ATG5: variants seen among roughly 807,000 people sequenced by gnomAD.
ATG5 encodes the protein autophagy related 5.
Under a neutral mutation model 36.5 loss-of-function variants are expected in ATG5, and 14 were observed. The ratio of observed to expected loss-of-function variants is 0.38; its 90% CI spans 0.25 to 0.60. ATG5 has a LOEUF of 0.60. Among genes scored for constraint, ATG5 ranks in the 20% least tolerant of loss-of-function variants. ATG5 has a pLI of 0.60. For missense variants in ATG5, 195 were observed against 326.7 expected (o/e 0.60, Z 3.11); for synonymous variants, 95 against 101.5 (o/e 0.94, Z 0.38).
chr6:106,205,043 G>T (rs541430690), intron 6 of ATG5, among the ~76,000 whole-genome samples: 2 of 152,154 alleles, frequency 1.3e-5, no homozygotes, highest in Non-Finnish European at 2.9e-5. Flanking sequence ...CAGGGTTTTT[G>T]ATCTTCAGGC....
intron 4 of ATG5, among the ~76,000 whole-genome samples, chr6:106,287,764 C>T (rs922899433): frequency 3.3e-5 from 5 of 151,990 alleles, no homozygotes; most frequent in African/African-American, 1.2e-4. Context: ...ATGCACTGTT[C>T]TCAACATGGA....
intron 1 of ATG5, among the ~76,000 whole-genome samples, chr6:106,318,399 G>A (rs1448540079): frequency 6.6e-6 from 1 of 152,074 alleles, no homozygotes; most frequent in Non-Finnish European, 1.5e-5. Flanking sequence ...ACAGTAAAAT[G>A]AATGACCAAT....
At chr6:106,269,706 GT>G (rs1779375397) in intron 5 of ATG5, among the ~76,000 whole-genome samples, 2 of 152,214 alleles carry the variant, frequency 1.3e-5, no homozygotes, top group South Asian at 4.1e-4. Flanking sequence ...CGAGTGCGGG[GT>G]CCGCCAAGCC....
At chr6:106,255,393 C>T (rs938922148) in intron 5 of ATG5, among the ~76,000 whole-genome samples, 5 of 152,186 alleles carry the variant, frequency 3.3e-5, no homozygotes, top group South Asian at 4.1e-4. Context: ...TCAGTAAAAA[C>T]TAGCTACCTC....
chr6:106,213,798 C>A (rs562438908), intron 6 of ATG5, among the ~76,000 whole-genome samples: 3 of 152,214 alleles, frequency 2.0e-5, no homozygotes, highest in Non-Finnish European at 4.4e-5. Context: ...GAAAACTTAT[C>A]TTTGAACAAT....
intron 6 of ATG5, among the ~76,000 whole-genome samples, chr6:106,244,514 C>T (rs1296674159): frequency 2.6e-5 from 4 of 152,196 alleles, no homozygotes; most frequent in African/African-American, 4.8e-5. Context: ...CTTAAGTTCA[C>T]CTATCTGTCA....
chr6:106,259,895 G>A (rs1023754973), intron 5 of ATG5, among the ~76,000 whole-genome samples: 16 of 152,320 alleles, frequency 1.1e-4, no homozygotes, highest in Non-Finnish European at 1.6e-4. Context: ...TTAAGACAAT[G>A]TGGCACATAT....
intron 6 of ATG5, among the ~76,000 whole-genome samples, chr6:106,242,665 G>T (rs1261955105): frequency 6.6e-6 from 1 of 151,982 alleles, no homozygotes; most frequent in Non-Finnish European, 1.5e-5. Flanking sequence ...ATTCACCTGG[G>T]AAACAGAATA....
rs116886694 is a variant in ATG5, at chr6:106,310,144, C to T, written c.109-1653G>A. ...TCTGTTTTGTTCAATGCTACATTTCCACTGCCCAAAATAGTGCCTGCTTTA... is the reference window on the plus strand; with the variant it reads ...TCTGTTTTGTTCAATGCTACATTTCTACTGCCCAAAATAGTGCCTGCTTTA... On this transcript the variant is annotated intron_variant, in intron 2 of 7. Coordinates refer to ENST00000369076, the MANE Select transcript of ATG5 (RefSeq NM_004849.4). Among the ~76,000 whole-genome samples, 947 of 152,202 alleles carry T rather than the reference C, an allele frequency of 6.2e-3. 7 individuals carry two copies. The highest frequency in any genetic ancestry group is 1.0e-2 in the Non-Finnish European group (677 of 67,964).
At chr6:106,227,113 T>A (rs933441066) in intron 6 of ATG5, among the ~76,000 whole-genome samples, 9 of 151,772 alleles carry the variant, frequency 5.9e-5, no homozygotes, top group African/African-American at 1.7e-4. Context: ...ATAAACAAAC[T>A]AAAAAGAATA....
chr6:106,309,602 A>AT (rs1415595562), intron 2 of ATG5, among the ~76,000 whole-genome samples: 1 of 152,184 alleles, frequency 6.6e-6, no homozygotes, highest in Admixed American at 6.5e-5. Context: ...ACTATTTAAT[A>AT]TAAGAAAAAG....
At chr6:106,272,458 T>C (rs1200117005) in intron 5 of ATG5, among the ~76,000 whole-genome samples, 1 of 152,200 alleles carries the variant, frequency 6.6e-6, no homozygotes, top group Non-Finnish European at 1.5e-5. Context: ...CACATTCTAG[T>C]CAGTTCTCAG....
chr6:106,283,565 C>G (rs1314309660), intron 4 of ATG5: 1 of 152,128 alleles, frequency 6.6e-6, no homozygotes, highest in Non-Finnish European at 1.5e-5. Flanking sequence ...TCTCTTGCTC[C>G]CAGGAGGTCA....
At chr6:106,275,873 G>A (rs1779623732) in intron 5 of ATG5, among the ~76,000 whole-genome samples, 3 of 152,290 alleles carry the variant, frequency 2.0e-5, no homozygotes, top group African/African-American at 7.2e-5. Flanking sequence ...TTAGGCTTGT[G>A]GGCCACATAG....
chr6:106,255,653 T>C (rs749566840), intron 5 of ATG5, among the ~76,000 whole-genome samples: 8 of 152,202 alleles, frequency 5.3e-5, no homozygotes, highest in Non-Finnish European at 1.2e-4. Context: ...AAATGTATTT[T>C]TAAGCCAGGT....
intron 5 of ATG5, among the ~76,000 whole-genome samples, chr6:106,266,549 AAAAG>A (rs1779237193): frequency 1.3e-5 from 2 of 152,218 alleles, no homozygotes; most frequent in Non-Finnish European, 2.9e-5. Context: ...ACACAACAAA[AAAAG>A]AAAATTTCAG....
chr6:106,230,422 G>A (rs1416697230), intron 6 of ATG5, among the ~76,000 whole-genome samples: 1 of 152,152 alleles, frequency 6.6e-6, no homozygotes, highest in Non-Finnish European at 1.5e-5. Flanking sequence ...TGTTGGGCAC[G>A]CTGGTAAAGG....
chr6:106,297,120 A>T (rs1402974334), intron 3 of ATG5, among the ~76,000 whole-genome samples: 1 of 152,202 alleles, frequency 6.6e-6, no homozygotes, highest in East Asian at 1.9e-4. Context: ...TATATTTCTA[A>T]AGACAAAAAG....
intron 6 of ATG5, among the ~76,000 whole-genome samples, chr6:106,237,050 T>C (rs1777930553): frequency 6.6e-6 from 1 of 152,186 alleles, no homozygotes; most frequent in Non-Finnish European, 1.5e-5. Flanking sequence ...ATTATTAACA[T>C]ATCTTTATGT....
Sources: allele counts gnomAD v4.1 joint callset (sites outside exome capture counted in the v4.1 genomes callset), GRCh38; gene constraint gnomAD v4.1.1; transcripts MANE v1.5; gene names NCBI Gene and HGNC (gene_info 2026-07-23, HGNC 2026-07-21).